PARD3: variants seen among roughly 807,000 people sequenced by gnomAD.
PARD3 encodes partitioning defective 3 homolog.
A neutral mutation model predicts 155.4 loss-of-function variants in PARD3; 75 were observed. The ratio of observed to expected loss-of-function variants is 0.48; its 90% CI spans 0.40 to 0.58. PARD3 has a LOEUF of 0.58. Among genes scored for constraint, PARD3 ranks in the 20% least tolerant of loss-of-function variants. The pLI is 0.00. For missense variants in PARD3, 1,642 were observed against 1,721.7 expected, an observed-to-expected ratio of 0.95 and a Z score of 0.82; for synonymous variants, 576 against 610.5, an observed-to-expected ratio of 0.94 and a Z score of 0.83.
chr10:34,447,573 C>A (rs532187091), intron 5 of PARD3, among the ~76,000 whole-genome samples: 1 of 141,930 alleles, frequency 7.0e-6, no homozygotes, highest in East Asian at 2.1e-4. Context: ...AAGGCCGAGG[C>A]GGGCAGATCA....
intron 1 of PARD3, among the ~76,000 whole-genome samples, chr10:34,767,268 C>T (rs181411791): frequency 2.3e-4 from 35 of 152,238 alleles, no homozygotes; most frequent in Middle Eastern, 3.4e-3. Flanking sequence ...GTAAGAAACA[C>T]GCTGAAGAAA....
chr10:34,324,767 A>ACAT (rs146457240), intron 19 of PARD3, among the ~76,000 whole-genome samples: 5 of 152,060 alleles, frequency 3.3e-5, no homozygotes, highest in East Asian at 3.8e-4. Context: ...GAGAGAAATC[A>ACAT]CATCATCATC....
chr10:34,769,754 C>A (rs1002698364), intron 1 of PARD3, among the ~76,000 whole-genome samples: 1 of 146,452 alleles, frequency 6.8e-6, no homozygotes, highest in Non-Finnish European at 1.5e-5. Context: ...GAGAGAGAGA[C>A]CATGTCTTTA....
chr10:34,511,827 G>T (rs1487215485), intron 3 of PARD3, among the ~76,000 whole-genome samples: 1 of 152,104 alleles, frequency 6.6e-6, no homozygotes, highest in Non-Finnish European at 1.5e-5. Context: ...CCAGGCTCAA[G>T]AAATCCTCCT....
intron 22 of PARD3, among the ~76,000 whole-genome samples, chr10:34,233,347 G>A (rs894049229): frequency 6.6e-5 from 10 of 151,722 alleles, no homozygotes; most frequent in African/African-American, 2.2e-4. Context: ...GCTCCTTGTC[G>A]CTTCTGTACT....
In PARD3 at chr10:34,203,032, C is replaced by T. The variant is rs1025393180; in HGVS notation, c.3419+66625G>A. Among the ~76,000 whole-genome samples, 4 of 152,042 alleles carry T rather than the reference C, an allele frequency of 2.6e-5. No individual in the cohort carries two copies. In the South Asian group the frequency reaches 8.3e-4, roughly 32 times the overall value. On this transcript the variant is annotated intron_variant, in intron 22 of 24. Coordinates refer to ENST00000374788, the MANE Select transcript of PARD3 (RefSeq NM_001184785.2). ...ACCAAATGGGCACAGTTACCTTTTG[C>T]TAACACCCCCACTCCAGCACCCTGG...
chr10:34,118,817 T>G (rs1356889139), intron 24 of PARD3, among the ~76,000 whole-genome samples: 4 of 152,226 alleles, frequency 2.6e-5, no homozygotes, highest in Non-Finnish European at 4.4e-5. Flanking sequence ...CACCTGATTT[T>G]GAAATACAGC....
At chr10:34,541,542 A>G (rs1215890580) in intron 2 of PARD3, among the ~76,000 whole-genome samples, 1 of 152,184 alleles carries the variant, frequency 6.6e-6, no homozygotes, top group African/African-American at 2.4e-5. Context: ...TTTCATGCTA[A>G]CAGCACAACC....
At chr10:34,135,532 G>A (rs141385050) in intron 22 of PARD3, among the ~76,000 whole-genome samples, 1 of 152,230 alleles carries the variant, frequency 6.6e-6, no homozygotes, top group African/African-American at 2.4e-5. Flanking sequence ...CAGACCATGC[G>A]GTGTACAAGG....
chr10:34,436,649 C>A (rs533046627), intron 5 of PARD3, among the ~76,000 whole-genome samples: 51 of 152,308 alleles, frequency 3.3e-4, no homozygotes, highest in Non-Finnish European at 6.2e-4. Context: ...TTATCTATAA[C>A]AGGTTATTTA....
intron 2 of PARD3, among the ~76,000 whole-genome samples, chr10:34,640,738 C>CAAAAAA (rs2092652752): frequency 3.1e-5 from 1 of 31,962 alleles, no homozygotes; most frequent in Non-Finnish European, 8.3e-5. Context: ...AAAAAAAAAG[C>CAAAAAA]ACTTTTAGGG....
At chr10:34,814,711 TGGCGCCCGCAGTCCGGGGCGGGG>T (rs1304841035) in intron 1 of PARD3, among the ~76,000 whole-genome samples, 142 bp downstream of exon 1, 25 of 151,794 alleles carry the variant, frequency 1.6e-4, no homozygotes, top group Admixed American at 6.5e-4. Context: ...CAGAGAACTT[TGGCGCCCGCAGTCCGGGGCGGGG>T]GGCGCCCGCG....
intron 2 of PARD3, among the ~76,000 whole-genome samples, chr10:34,606,156 ATGTGTGTGTGTGTGTGTG>A (rs59792013): frequency 1.8e-3 from 232 of 126,558 alleles, no homozygotes; most frequent in African/African-American, 4.2e-3. Flanking sequence ...ATAAAGGGAA[ATGTGTGTGTGTGTGTGTG>A]TGTGTGTGTG....
intron 7 of PARD3, among the ~76,000 whole-genome samples, chr10:34,392,248 C>G (rs184156993): frequency 0.013 from 1,917 of 151,962 alleles, 12 homozygotes; most frequent in Non-Finnish European, 0.019. Context: ...AATTTATGGA[C>G]AATAATGTAA....
At chr10:34,257,384 G>A (rs545378955) in intron 22 of PARD3, among the ~76,000 whole-genome samples, 1 of 152,346 alleles carries the variant, frequency 6.6e-6, no homozygotes, top group Non-Finnish European at 1.5e-5. Context: ...GGTTTGTACT[G>A]TCTAAAGGAC....
intron 1 of PARD3, among the ~76,000 whole-genome samples, chr10:34,759,530 C>T (rs958727401): frequency 3.3e-5 from 5 of 152,224 alleles, no homozygotes; most frequent in African/African-American, 7.2e-5. Context: ...AAACATTTCA[C>T]TGAAGGATGA....
intron 22 of PARD3, among the ~76,000 whole-genome samples, chr10:34,220,600 C>A (rs1185273450): frequency 6.6e-6 from 1 of 152,154 alleles, no homozygotes; most frequent in Non-Finnish European, 1.5e-5. Flanking sequence ...ACAATACAGG[C>A]ACCCGAAATG....
rs533041197 is a variant in PARD3, at chr10:34,325,618, A to C, written c.2833+5499T>G. 2.0e-5 allele frequency among the ~76,000 whole-genome samples: 3 copies of C among 152,114 alleles called. No individual in the cohort carries two copies. In the South Asian group the frequency reaches 6.2e-4, roughly 32 times the overall value. On this transcript the variant is annotated intron_variant, in intron 19 of 24. Transcript: ENST00000374788. ...AAGTGCTCATTTATCCACTGGGTTG[A>C]ATCATCCCCCAACCCCGAGCCCTTA...
Position 34,809,296 on chromosome 10 carries a change from G to A in PARD3, c.120+5580C>T, listed in dbSNP as rs183772713. Among the ~76,000 whole-genome samples, 528 of 152,178 alleles carry A rather than the reference G, an allele frequency of 3.5e-3. 3 individuals carry two copies. The highest frequency in any genetic ancestry group is 0.011 in the African/African-American group (468 of 41,504). ...ATTCTGACTGCAATGTGACAGACAC[G>A]GGCTATTCACCAAGACTGAAGCTCA... On this transcript the variant is annotated intron_variant, in intron 1 of 24. Transcript: ENST00000374788.
Sources: allele counts gnomAD v4.1 joint callset (sites outside exome capture counted in the v4.1 genomes callset), GRCh38; gene constraint gnomAD v4.1.1; transcripts MANE v1.5; gene names NCBI Gene and HGNC (gene_info 2026-07-23, HGNC 2026-07-21).